Variants in KCNAB2 observed in about 807,000 individuals in gnomAD.
KCNAB2 encodes potassium voltage-gated channel subfamily A regulatory beta subunit 2.
Under a neutral mutation model 63.6 loss-of-function variants are expected in KCNAB2, and 29 were observed. The ratio of observed to expected loss-of-function variants is 0.46; its 90% CI spans 0.34 to 0.62. KCNAB2 has a LOEUF of 0.62. Ranked by LOEUF, KCNAB2 falls within the 20% of genes least tolerant of loss-of-function variation. The probability of loss-of-function intolerance (pLI) is 0.01; values close to 1 mark genes in which losing one functional copy is unlikely to be tolerated. For missense variants in KCNAB2, 359 were observed against 563.9 expected, an observed-to-expected ratio of 0.64 and a Z score of 3.68; for synonymous variants, 222 against 224.2, an observed-to-expected ratio of 0.99 and a Z score of 0.09.
rs1659384493 is a variant in KCNAB2, at chr1:6,028,798, G to C, written c.-52-11719G>C. ...CCACTGTCCCCATCGTATTAGAGTT[G>C]GCCTTTTGAAAGCTGTGAGTCCAAG... On this transcript the variant is annotated intron_variant, in intron 1 of 16. Coordinates refer to the KCNAB2 transcript ENST00000341524. This position sits in a 1 kb window ranked among gnomAD's most constrained non-coding sequence, Gnocchi z 4.0. Among the ~76,000 whole-genome samples the C allele has an allele frequency of 6.6e-6, 1 of 152,138 alleles. No homozygotes were observed.
At chr1:6,061,905 C>T (rs962202183) in intron 2 of KCNAB2, among the ~76,000 whole-genome samples, 7 of 151,972 alleles carry the variant, frequency 4.6e-5, no homozygotes, top group Non-Finnish European at 8.8e-5. Context: ...TAAAATAAGT[C>T]GGTGGTAAAA....
rs1294186054 is a variant in KCNAB2 at position 6,028,385 on chromosome 1, G to T, written c.-52-12132G>T. On this transcript the variant is annotated intron_variant, in intron 1 of 16. Coordinates refer to the KCNAB2 transcript ENST00000341524. This position sits in a 1 kb window ranked among gnomAD's most constrained non-coding sequence, Gnocchi z 4.0. Reference sequence around the variant, plus strand: ...GACCATGGTTTTGTGTTATACAGTAGTCACGGCAGATACTTCGGGGGCTTG... The same window carrying T: ...GACCATGGTTTTGTGTTATACAGTATTCACGGCAGATACTTCGGGGGCTTG... 6.6e-6 allele frequency among the ~76,000 whole-genome samples: 1 copy of T among 152,240 alleles called. No individual in the cohort carries two copies. Among genetic ancestry groups the T allele is most frequent in the Non-Finnish European group, 1.5e-5 (1 of 68,036 alleles).
At chr1:6,029,586 C>T (rs768016677), upstream of KCNAB2, among the ~76,000 whole-genome samples, 2 of 152,202 alleles carry the variant, frequency 1.3e-5, no homozygotes, top group South Asian at 2.1e-4. Flanking sequence ...GACACCAGGG[C>T]GGGGCACAGG....
chr1:6,020,907 G>A (rs932093305), intron 1 of KCNAB2, among the ~76,000 whole-genome samples: 7 of 151,778 alleles, frequency 4.6e-5, no homozygotes, highest in South Asian at 2.1e-4. Flanking sequence ...TGATCTGCCC[G>A]CCTCGGCCTC....
At chr1:6,097,589 A>G in intron 15 of KCNAB2, 2 of 724,172 alleles carry the variant, frequency 2.8e-6, no homozygotes, top group South Asian at 1.8e-5. Flanking sequence ...CGAGCGCTGT[A>G]GGAGAGAAGC....
rs566086045 is a variant in KCNAB2, at chr1:6,054,042, T to TAA, written c.218+2303_218+2304dup. On this transcript the variant is annotated intron_variant, in intron 2 of 15. Transcript: ENST00000378083. Reference sequence around the variant, plus strand: ...TGGGCGGCAGAGTGAGACCCTGTCTTAAAAAAAAAAAAAAAAGAAGAAGAA... The same window carrying TAA: ...TGGGCGGCAGAGTGAGACCCTGTCTTAAAAAAAAAAAAAAAAAAGAAGAAGAA... Among the ~76,000 whole-genome samples the TAA allele has an allele frequency of 4.6e-3, 629 of 137,586 alleles. 2 individuals are homozygous for TAA. The highest frequency in any genetic ancestry group is 6.2e-3 in the Non-Finnish European group (397 of 63,944). 90.3% of individuals were successfully genotyped at this position (137,586 alleles called of 152,430 possible).
intron 1 of KCNAB2, chr1:6,027,237 TGTGTGTGTGTGTGTGTG>T (rs1659257124): frequency 2.8e-5 from 1 of 35,864 alleles, no homozygotes; most frequent in South Asian, 9.0e-4. Flanking sequence ...TGTGTGTGTG[TGTGTGTGTGTGTGTGTG>T]TGTGTGTGTG....
chr1:6,014,159 C>A (rs894569050), intron 1 of KCNAB2, among the ~76,000 whole-genome samples: 1 of 152,254 alleles, frequency 6.6e-6, no homozygotes, highest in Admixed American at 6.5e-5. Flanking sequence ...GCTCTGACAT[C>A]GCTGCCCACA....
chr1:6,066,710 C>T (rs1194348199), intron 2 of KCNAB2, among the ~76,000 whole-genome samples: 1 of 152,214 alleles, frequency 6.6e-6, no homozygotes, highest in East Asian at 1.9e-4. Context: ...AGCCAGGCCA[C>T]CATGACAAAC....
intron 3 of KCNAB2, among the ~76,000 whole-genome samples, 185 bp downstream of exon 3, chr1:6,072,983 GA>G (rs987334091): frequency 1.7e-4 from 26 of 152,060 alleles, no homozygotes; most frequent in Non-Finnish European, 3.1e-4. Context: ...AGGCAGGTGG[GA>G]GGGGGGCTGG....
At chr1:6,042,541 C>T (rs3789566), upstream of KCNAB2, among the ~76,000 whole-genome samples, 59,079 of 151,966 alleles carry the variant, frequency 0.39, 11,827 homozygotes, top group East Asian at 0.56. Context: ...ACCTGTAAGG[C>T]AGGGGATGCA....
intron 1 of KCNAB2, 140 bp downstream of exon 1, chr1:6,046,323 CA>C: frequency 2.0e-6 from 1 of 496,096 alleles, no homozygotes; most frequent in Non-Finnish European, 2.6e-6. Context: ...CGTGTTTTTG[CA>C]AAGCAGAAGA....
In KCNAB2 at chr1:6,096,613, CT is replaced by C; in HGVS notation, c.949-22del. The C allele has an allele frequency of 6.2e-7, 1 of 1,605,870 alleles. No individual in the cohort carries two copies. Among genetic ancestry groups the C allele is most frequent in the Admixed American group, 1.7e-5 (1 of 59,302 alleles). On this transcript the variant is annotated intron_variant, in intron 13 of 15. Transcript: ENST00000378083. This position sits in a 1 kb window ranked among gnomAD's most constrained non-coding sequence, Gnocchi z 5.9. ...TGACCTGCTCTCATCTGTAGCTGTGCTGCTCCCCTCCCCCGCAACCAGGGCT... is the reference window on the plus strand; with the variant it reads ...TGACCTGCTCTCATCTGTAGCTGTGCGCTCCCCTCCCCCGCAACCAGGGCT...
At chr1:6,041,334 C>T (rs563348079), upstream of KCNAB2, 118 of 174,486 alleles carry the variant, frequency 6.8e-4, no homozygotes, top group Non-Finnish European at 1.2e-3. Flanking sequence ...CAGACCTTTC[C>T]GGATAATCAC....
At chr1:6,098,191 A>G (rs943809153) in intron 15 of KCNAB2, 1 of 1,137,596 alleles carries the variant, frequency 8.8e-7, no homozygotes, top group Non-Finnish European at 1.1e-6. Flanking sequence ...GAAGTCCAGC[A>G]TTTGGCCTGG....
intron 1 of KCNAB2, among the ~76,000 whole-genome samples, chr1:6,021,249 C>T (rs747057651): frequency 4.6e-5 from 7 of 152,172 alleles, no homozygotes; most frequent in African/African-American, 1.4e-4. Context: ...CCACCCACCA[C>T]GGGCTCCCAA....
At chr1:6,010,355 G>C (rs547219682) in intron 1 of KCNAB2, among the ~76,000 whole-genome samples, 21 of 152,296 alleles carry the variant, frequency 1.4e-4, no homozygotes, top group African/African-American at 5.1e-4. Flanking sequence ...ATCTGCTTTC[G>C]AGGCTGAGGC....
Position 6,051,559 on chromosome 1 carries a change from A to G in KCNAB2, c.23A>G (p.Glu8Gly), listed in dbSNP as rs963137597. MLSMTYSESLRSVSSRCH... is the reference protein window; with the variant it reads MLSMTYSGSLRSVSSRCH... ...ACCATGCTGTCCATGACGTACAGCGAGAGTCTGCGGAGCGTGAGCAGCAGG... is the reference window on the plus strand; with the variant it reads ...ACCATGCTGTCCATGACGTACAGCGGGAGTCTGCGGAGCGTGAGCAGCAGG... Residue 8 changes from glutamate to glycine, a missense_variant, in exon 2 of 16, where the codon GAG becomes GGG. By Grantham distance (98) the Glu-to-Gly change is moderately conservative. Coordinates refer to ENST00000378083, the MANE Select transcript of KCNAB2 (RefSeq NM_001199862.2). 1.3e-6 allele frequency: 2 copies of G among 1,532,332 alleles called. No individual in the cohort carries two copies. The highest frequency in any genetic ancestry group is 2.7e-5 in the African/African-American group (2 of 73,004). 94.9% of individuals were successfully genotyped at this position (1,532,332 alleles called of 1,614,324 possible).
At chr1:6,054,014 G>A (rs1458303745) in intron 2 of KCNAB2, among the ~76,000 whole-genome samples, 1 of 149,774 alleles carries the variant, frequency 6.7e-6, no homozygotes, top group Non-Finnish European at 1.5e-5. Context: ...CTGCACTCCA[G>A]CCTGGGCGGC....
Sources: allele counts gnomAD v4.1 joint callset (sites outside exome capture counted in the v4.1 genomes callset), GRCh38; gene constraint gnomAD v4.1.1; non-coding constraint Gnocchi (gnomAD v3.1); transcripts MANE v1.5; gene names NCBI Gene and HGNC (gene_info 2026-07-23, HGNC 2026-07-21).